KLHL5: variants seen among roughly 807,000 people sequenced by gnomAD.
KLHL5 encodes the protein kelch-like protein 5.
Under a neutral mutation model 77.7 loss-of-function variants are expected in KLHL5, and 48 were observed. The ratio of observed to expected loss-of-function variants is 0.62; its 90% confidence interval spans 0.49 to 0.79. The LOEUF (loss-of-function observed/expected upper bound fraction) is 0.79, where lower values mean the gene tolerates loss of function less well. Ranked by LOEUF, KLHL5 falls within the 30% of genes least tolerant of loss-of-function variation. The pLI is 0.00. For missense variants in KLHL5, 723 were observed against 859.7 expected, an observed-to-expected ratio of 0.84 and a Z score of 1.99; for synonymous variants, 260 against 297.0, an observed-to-expected ratio of 0.88 and a Z score of 1.28.
upstream of KLHL5, chr4:39,062,194 A>T (rs1464714927): frequency 1.0e-6 from 1 of 991,910 alleles, no homozygotes; most frequent in African/African-American, 1.7e-5. Context: ...TGTTTCAGCA[A>T]TGAAAGAGTT....
chr4:39,113,191 C>T lies in KLHL5; in HGVS notation c.1860C>T (p.Pro620=), dbSNP rs768281391. The change falls in exon 9 of 11, where the codon CCC becomes CCT. Residue 620 remains proline, a synonymous_variant. Transcript: ENST00000504108. ...LLYAIGGHDA[P]ASNLTSRLSD... ...ATGCTATAGGGGGGCACGATGCTCC[C>T]GCATCCAACTTGACTTCCAGACTCT... is the stretch of plus-strand genomic sequence containing the variant. 44 of 1,613,876 alleles carry T rather than the reference C, an allele frequency of 2.7e-5. No homozygotes were observed. The highest frequency in any genetic ancestry group is 2.2e-4 in the South Asian group (20 of 91,066).
In KLHL5 at chr4:39,095,927, T is replaced by A. The variant is rs569859456; in HGVS notation, c.1114-765T>A. 3.9e-5 allele frequency among the ~76,000 whole-genome samples: 6 copies of A among 152,040 alleles called. No homozygotes were observed. In the East Asian group the frequency reaches 1.2e-3, roughly 29 times the overall value. The stretch of plus-strand genomic sequence containing the variant: ...AGAATTATGTCAGCAGAGGTTTGCA[T>A]AAATATGAAGAAAATATGAAAGGCT... On this transcript the variant is annotated intron_variant, in intron 5 of 10. Transcript: ENST00000504108.
rs537776874 is a variant in KLHL5 at position 39,066,903 on chromosome 4, T to C, written c.383+3868T>C. Among the ~76,000 whole-genome samples, 5 of 152,352 alleles carry C rather than the reference T, an allele frequency of 3.3e-5. No individual in the cohort carries two copies. In the South Asian group the frequency reaches 1.0e-3, roughly 32 times the overall value. ...GTTAGTAAGTAAAATAGCTGCATTT[T>C]TTAAAAAGAAACTTTATTTTTTTAG... On this transcript the variant is annotated intron_variant, in intron 1 of 10. Transcript: ENST00000504108.
At chr4:39,112,292 C>T (rs1722503427) in intron 8 of KLHL5, among the ~76,000 whole-genome samples, 1 of 152,194 alleles carries the variant, frequency 6.6e-6, no homozygotes, top group Non-Finnish European at 1.5e-5. Flanking sequence ...ATATCCTTTT[C>T]TGCAGTAATT....
At chr4:39,050,997 G>C (rs1335539348) in intron 1 of KLHL5, among the ~76,000 whole-genome samples, 1 of 152,168 alleles carries the variant, frequency 6.6e-6, no homozygotes, top group Admixed American at 6.5e-5. Context: ...CTTTGATCCT[G>C]ATACAGAGCT....
In KLHL5 at chr4:39,081,689, G is replaced by A. The variant is rs936368203; in HGVS notation, c.704-274G>A. ...TGTCTCAAAAAAAAAAAAAAATTGA[G>A]AGTTATACAGGTATATAGTAGACAT... is the stretch of plus-strand genomic sequence containing the variant. On this transcript the variant is annotated intron_variant, in intron 3 of 10. Transcript: ENST00000504108. This position sits in a 1 kb window ranked among gnomAD's most constrained non-coding sequence, Gnocchi z 4.3. Among the ~76,000 whole-genome samples, 5 of 151,824 alleles carry A rather than the reference G, an allele frequency of 3.3e-5. No individual in the cohort carries two copies. Among genetic ancestry groups the A allele is most frequent in the Admixed American group, 3.3e-4 (5 of 15,222 alleles).
Position 39,075,945 on chromosome 4 carries a change from G to C in KLHL5, c.384-20G>C. On this transcript the variant is annotated intron_variant, in intron 1 of 10. Transcript: ENST00000504108. The stretch of plus-strand genomic sequence containing the variant: ...ATGTGATAGTGATATTTCAAAATGT[G>C]TGTTTTTTTTTCTTTTCAGGACTTC... 1 of 1,582,870 alleles carries C rather than the reference G, an allele frequency of 6.3e-7. No individual in the cohort carries two copies. Among genetic ancestry groups the C allele is most frequent in the Middle Eastern group, 1.7e-4 (1 of 5,930 alleles).
chr4:39,111,715 T>C (rs1420703480), intron 8 of KLHL5, among the ~76,000 whole-genome samples: 1 of 152,204 alleles, frequency 6.6e-6, no homozygotes, highest in East Asian at 1.9e-4. Context: ...AGTTTTATGA[T>C]AAATTTTAAT....
chr4:39,072,384 G>A (rs922347911), intron 1 of KLHL5, among the ~76,000 whole-genome samples: 1 of 152,120 alleles, frequency 6.6e-6, no homozygotes, highest in Non-Finnish European at 1.5e-5. Flanking sequence ...GTAAGCCTTA[G>A]AGAAGTTAAA....
In KLHL5 at chr4:39,103,417, T is replaced by G; in HGVS notation, c.1431T>G (p.Asp477Glu). The change falls in exon 7 of 11, where the codon GAT becomes GAG. Residue 477 changes from aspartate to glutamate, a missense_variant. Physicochemically the swap from Asp to Glu is conservative, Grantham distance 45. Around this residue, in one of 3 missense-constraint regions of KLHL5, gnomAD observed 288 missense variants for 400.3 expected, o/e 0.72. Coordinates refer to ENST00000504108, the MANE Select transcript of KLHL5 (RefSeq NM_015990.5). ...AACTGTATGTGGTTGGAGGAAGAGA[T>G]GGACTGAAGACTTTGAATACTGTAG... ...DDKLYVVGGR[D>E]GLKTLNTVEC... 1.2e-6 allele frequency: 2 copies of G among 1,614,152 alleles called. No individual in the cohort carries two copies. Among genetic ancestry groups the G allele is most frequent in the Non-Finnish European group, 8.5e-7 (1 of 1,180,010 alleles).
intron 6 of KLHL5, among the ~76,000 whole-genome samples, chr4:39,101,508 A>T (rs1436168581): frequency 6.6e-6 from 1 of 152,102 alleles, no homozygotes; most frequent in Non-Finnish European, 1.5e-5. Context: ...CATATTTTTC[A>T]ACAGCTGTAC....
At chr4:39,085,326 T>C (rs1322107060) in intron 4 of KLHL5, among the ~76,000 whole-genome samples, 1 of 152,186 alleles carries the variant, frequency 6.6e-6, no homozygotes, top group Non-Finnish European at 1.5e-5. Context: ...GTCAAGCTAA[T>C]ATATATTTTA....
chr4:39,082,429 G>T (rs1719698944), intron 4 of KLHL5, among the ~76,000 whole-genome samples: 1 of 152,112 alleles, frequency 6.6e-6, no homozygotes, highest in African/African-American at 2.4e-5. Context: ...TTTCAGATTT[G>T]CTGCTTTTTA....
chr4:39,051,711 AAACAAAC>A (rs201641788), intron 1 of KLHL5, among the ~76,000 whole-genome samples: 10,025 of 116,368 alleles, frequency 0.086, 377 homozygotes, highest in African/African-American at 0.18. Flanking sequence ...AAAAAAGAAA[AAACAAAC>A]AAACAAACAA....
chr4:39,114,281 T>C (rs1722674720), intron 9 of KLHL5, among the ~76,000 whole-genome samples: 1 of 152,112 alleles, frequency 6.6e-6, no homozygotes, highest in African/African-American at 2.4e-5. Flanking sequence ...TGTTGGAGAA[T>C]TGGAAGGGAA....
rs74810925 is a variant in KLHL5, at chr4:39,097,638, T to C, written c.1300+760T>C. Among the ~76,000 whole-genome samples, 1,514 of 152,290 alleles carry C rather than the reference T, an allele frequency of 9.9e-3. 22 individuals carry two copies. The highest frequency in any genetic ancestry group is 0.034 in the African/African-American group (1,421 of 41,562). ...GAGAGACAGTCTACAAAATAACTTA[T>C]CTGTCTATAGTATTCAAAAATGTCA... On this transcript the variant is annotated intron_variant, in intron 6 of 10. Coordinates refer to ENST00000504108, the MANE Select transcript of KLHL5 (RefSeq NM_015990.5).
chr4:39,097,288 C>T (rs971679353), intron 6 of KLHL5, among the ~76,000 whole-genome samples: 1 of 152,092 alleles, frequency 6.6e-6, no homozygotes, highest in Non-Finnish European at 1.5e-5. Context: ...CAAAAGTTAC[C>T]ATTTAGTAAC....
chr4:39,124,351 A>G lies in KLHL5; in HGVS notation c.*3285A>G, dbSNP rs1461810206. ...GATTGCAAGTTACTGAAGGTACTCA[A>G]GTCTGTTCAAAACAATCTTGAACAA... On this transcript the variant is annotated 3_prime_UTR_variant, in exon 11 of 11. Transcript: ENST00000504108. Among the ~76,000 whole-genome samples, 1 of 152,208 alleles carries G rather than the reference A, an allele frequency of 6.6e-6. No individual in the cohort carries two copies. The highest frequency in any genetic ancestry group is 2.4e-5 in the African/African-American group (1 of 41,444).
intron 1 of KLHL5, among the ~76,000 whole-genome samples, chr4:39,069,390 T>A (rs980541077): frequency 6.7e-6 from 1 of 148,908 alleles, no homozygotes; most frequent in African/African-American, 2.5e-5. Flanking sequence ...TCAGAGTTCT[T>A]TGGATCTAAT....
Sources: gnomAD v4.1 joint callset for allele counts (sites outside exome capture counted in the v4.1 genomes callset) on GRCh38, gnomAD v4.1.1 for gene constraint, gnomAD v4.1.1 regional missense constraint, Gnocchi (gnomAD v3.1) non-coding constraint, MANE v1.5 for transcripts, NCBI Gene and HGNC (gene_info 2026-07-23, HGNC 2026-07-21) for gene names.